Variants in RPTOR observed in about 807,000 individuals in gnomAD.
RPTOR encodes regulatory-associated protein of mTOR.
In RPTOR, 21 loss-of-function variants were observed where a neutral mutation model predicts 169.9. That is an observed-to-expected ratio of 0.12 (90% confidence interval 0.09 to 0.18). The LOEUF (loss-of-function observed/expected upper bound fraction) is 0.18. RPTOR is among the 10% of genes least tolerant of loss of function. RPTOR has a pLI of 1.00. For missense variants in RPTOR, 1,133 were observed against 1,855.9 expected, an observed-to-expected ratio of 0.61 and a Z score of 7.16; for synonymous variants, 732 against 753.2, an observed-to-expected ratio of 0.97 and a Z score of 0.46.
chr17:80,862,661 CCGCCCACCA>C (rs2067932349), intron 13 of RPTOR, among the ~76,000 whole-genome samples: 3 of 152,010 alleles, frequency 2.0e-5, no homozygotes, highest in African/African-American at 7.3e-5. Context: ...CTCCGGGGCT[CCGCCCACCA>C]TGATGTCTGC....
intron 7 of RPTOR, among the ~76,000 whole-genome samples, chr17:80,792,168 C>G (rs1488606536): frequency 6.6e-6 from 1 of 152,138 alleles, no homozygotes; most frequent in African/African-American, 2.4e-5. Flanking sequence ...GTGACTCATC[C>G]TGAGTCATCC....
chr17:80,962,467 T>C lies in RPTOR; in HGVS notation c.3699T>C (p.Asn1233=), dbSNP rs2069356539. The change falls in exon 32 of 34, where the codon AAT becomes AAC. Residue 1233 remains asparagine (N), a synonymous_variant. Coordinates refer to ENST00000306801, the MANE Select transcript of RPTOR (RefSeq NM_020761.3). The stretch of plus-strand genomic sequence containing the variant: ...TGTGACCCTCTCTTGGCAGCGTCAA[T>C]GGAGATGTGCGCATCTTTGATCCCC... The part of the protein sequence containing the change: ...PDGHIVSVSV[N]GDVRIFDPRM... 2 of 1,613,366 alleles carry C rather than the reference T, an allele frequency of 1.2e-6. No homozygotes were observed. Among genetic ancestry groups the C allele is most frequent in the Non-Finnish European group, 1.7e-6 (2 of 1,179,548 alleles).
chr17:80,826,040 T>C (rs1664538558), intron 9 of RPTOR, among the ~76,000 whole-genome samples: 1 of 151,854 alleles, frequency 6.6e-6, no homozygotes, highest in Admixed American at 6.6e-5. Flanking sequence ...GCTCTGAGGA[T>C]GGGATGGGAG....
chr17:80,851,294 A>G (rs1266763431), intron 11 of RPTOR, among the ~76,000 whole-genome samples: 1 of 152,160 alleles, frequency 6.6e-6, no homozygotes, highest in Admixed American at 6.5e-5. Flanking sequence ...CATTCAGCTC[A>G]CCATCATTTA....
chr17:80,654,657 T>C (rs1210294267), intron 3 of RPTOR, among the ~76,000 whole-genome samples: 1 of 152,230 alleles, frequency 6.6e-6, no homozygotes, highest in Non-Finnish European at 1.5e-5. Context: ...AACATGCTGC[T>C]TACCCCGGAC....
At chr17:80,833,788 G>A (rs1429707832) in intron 9 of RPTOR, among the ~76,000 whole-genome samples, 1 of 152,158 alleles carries the variant, frequency 6.6e-6, no homozygotes, top group Non-Finnish European at 1.5e-5. Context: ...TCAGGAGTTC[G>A]AGACCCGCCT....
intron 10 of RPTOR, 111 bp downstream of exon 10, chr17:80,838,108 G>C (rs970587773): frequency 1.2e-6 from 1 of 823,856 alleles, no homozygotes; most frequent in African/African-American, 1.7e-5. Flanking sequence ...TCGGGTGTCA[G>C]ATTTTGTTCA....
rs150704992 is a variant in RPTOR, at chr17:80,946,022, C to T, written c.3140+241C>T. 4.6e-3 allele frequency among the ~76,000 whole-genome samples: 701 copies of T among 152,288 alleles called. 3 individuals are homozygous for T. Among genetic ancestry groups the T allele is most frequent in the African/African-American group, 0.016 (669 of 41,560 alleles). ...CACTGAAGGACAGTCCAGAGTCCTGCCTGCAGGTCAGAGGGGAGTGGCAGG... is the reference window on the plus strand; with the variant it reads ...CACTGAAGGACAGTCCAGAGTCCTGTCTGCAGGTCAGAGGGGAGTGGCAGG... On this transcript the variant is annotated intron_variant, in intron 26 of 33. Coordinates refer to ENST00000306801, the MANE Select transcript of RPTOR (RefSeq NM_020761.3).
At chr17:80,887,439 A>G (rs1388402886) in intron 17 of RPTOR, among the ~76,000 whole-genome samples, 1 of 151,958 alleles carries the variant, frequency 6.6e-6, no homozygotes, top group Non-Finnish European at 1.5e-5. Context: ...GTCCTGCCGC[A>G]TCACAGCTGG....
At chr17:80,771,877 C>T (rs752470263) in intron 6 of RPTOR, among the ~76,000 whole-genome samples, 2 of 152,200 alleles carry the variant, frequency 1.3e-5, no homozygotes, top group Non-Finnish European at 2.9e-5. Flanking sequence ...TGGTGCGTAG[C>T]GAGGCAGTCA....
intron 21 of RPTOR, among the ~76,000 whole-genome samples, chr17:80,911,547 C>T (rs2068613016): frequency 6.6e-6 from 1 of 152,086 alleles, no homozygotes; most frequent in Non-Finnish European, 1.5e-5. Flanking sequence ...TTTGGGAGGC[C>T]AAGGCGAGAG....
intron 24 of RPTOR, 126 bp from the exon 25 acceptor site, chr17:80,940,370 T>G: frequency 1.5e-6 from 1 of 674,880 alleles, no homozygotes; most frequent in Non-Finnish European, 2.5e-6. Flanking sequence ...GCCACACCCT[T>G]TCGTATTGGG....
chr17:80,583,196 T>TTGTTTTTTTTTG (rs71163972), intron 1 of RPTOR, among the ~76,000 whole-genome samples: 21,491 of 137,100 alleles, frequency 0.16, 1,568 homozygotes, highest in East Asian at 0.23. Context: ...TTTTTTTTTT[T>TTGTTTTTTTTTG]TTTTTTTTTT....
At chr17:80,911,073 C>T (rs534477095) in intron 21 of RPTOR, among the ~76,000 whole-genome samples, 6 of 152,266 alleles carry the variant, frequency 3.9e-5, no homozygotes, top group African/African-American at 7.2e-5. Flanking sequence ...CCTCGTGATC[C>T]GCCTGCCTCG....
At position 80,743,981 on chromosome 17, in the gene RPTOR, TGTCCTGGTTATGAGC is replaced by T. The variant is rs2066526394; in HGVS notation, c.655-10028_655-10014del. On this transcript the variant is annotated intron_variant, in intron 5 of 33. Transcript: ENST00000306801. ...CTAGCACAGCCCTGGCTACTAGCAC[TGTCCTGGTTATGAGC>T]ACAGCCCTGGTTACTAGCACAGCCC... Among the ~76,000 whole-genome samples, 2 of 2,902 alleles carry T rather than the reference TGTCCTGGTTATGAGC, an allele frequency of 6.9e-4. 1 individual carries two copies. The highest frequency in any genetic ancestry group is 1.4e-3 in the Non-Finnish European group (2 of 1,398). The allele number at this position is 2,902 out of a possible 152,430, so 1.9% of individuals were successfully genotyped here.
At chr17:80,780,806 G>A (rs1037790312) in intron 6 of RPTOR, among the ~76,000 whole-genome samples, 7 of 151,998 alleles carry the variant, frequency 4.6e-5, no homozygotes, top group Admixed American at 2.0e-4. Flanking sequence ...CAGCCCCTCC[G>A]GCTCCCTTTC....
At chr17:80,753,627 C>T (rs1329039531) in intron 5 of RPTOR, among the ~76,000 whole-genome samples, 3 of 76,842 alleles carry the variant, frequency 3.9e-5, no homozygotes, top group Non-Finnish European at 7.8e-5. Flanking sequence ...AGCGAAACTC[C>T]GTCTCAAAAA....
rs1415356812 is a variant in RPTOR at position 80,708,954 on chromosome 17, C to G, written c.507+955C>G. 1.0e-6 allele frequency: 1 copy of G among 985,702 alleles called. No homozygotes were observed. Among genetic ancestry groups the G allele is most frequent in the Non-Finnish European group, 1.2e-6 (1 of 829,956 alleles). 61.1% of individuals were successfully genotyped at this position (985,702 alleles called of 1,614,324 possible). ...TGCCATCATAGTGAGGACTCTGACT[C>G]CGTTTCTTCACACACTGAACTCTCG... On this transcript the variant is annotated intron_variant, in intron 4 of 33. Coordinates refer to ENST00000306801, the MANE Select transcript of RPTOR (RefSeq NM_020761.3). This position sits in a 1 kb window ranked among gnomAD's most constrained non-coding sequence, Gnocchi z 4.2.
At chr17:80,799,345 C>T (rs529839745) in intron 7 of RPTOR, among the ~76,000 whole-genome samples, 3 of 152,338 alleles carry the variant, frequency 2.0e-5, no homozygotes, top group Middle Eastern at 3.4e-3. Flanking sequence ...TCTCGAGTGA[C>T]GCACATTCGG....
Sources: gnomAD v4.1 joint callset for allele counts (sites outside exome capture counted in the v4.1 genomes callset) on GRCh38, gnomAD v4.1.1 for gene constraint, Gnocchi (gnomAD v3.1) non-coding constraint, MANE v1.5 for transcripts, NCBI Gene and HGNC (gene_info 2026-07-23, HGNC 2026-07-21) for gene names.